The following WASF3 variants were observed in gnomAD, a reference collection of about 807,000 sequenced individuals.
WASF3 encodes the protein WASP family member 3, also known as actin-binding protein WASF3.
A neutral mutation model predicts 46.6 loss-of-function variants in WASF3; 11 were observed. The observed-to-expected ratio is 0.24, with a 90% CI of 0.15 to 0.39. The LOEUF is 0.39. Among genes scored for constraint, WASF3 ranks in the 10% least tolerant of loss-of-function variants. The probability of loss-of-function intolerance (pLI) is 1.00; values close to 1 mark genes in which losing one functional copy is unlikely to be tolerated. For synonymous variants in WASF3, 242 were observed against 259.7 expected, an observed-to-expected ratio of 0.93 and a Z score of 0.65; for missense variants, 576 against 669.8, an observed-to-expected ratio of 0.86 and a Z score of 1.55.
chr13:26,585,999 G>A (rs1383117726), intron 1 of WASF3, among the ~76,000 whole-genome samples: 2 of 152,160 alleles, frequency 1.3e-5, no homozygotes, highest in African/African-American at 2.4e-5. Context: ...TTCCTTTCCA[G>A]TGATTTGGGA....
At chr13:26,572,981 A>T (rs1424381921) in intron 1 of WASF3, among the ~76,000 whole-genome samples, 1 of 152,254 alleles carries the variant, frequency 6.6e-6, no homozygotes, top group Admixed American at 6.5e-5. Flanking sequence ...TTCAGTTATT[A>T]ATATTACACT....
intron 1 of WASF3, among the ~76,000 whole-genome samples, chr13:26,600,007 A>G (rs1880598601): frequency 6.6e-6 from 1 of 152,174 alleles, no homozygotes; most frequent in African/African-American, 2.4e-5. Context: ...TGCTTTGTTA[A>G]TTGGAGGTTA....
intron 1 of WASF3, among the ~76,000 whole-genome samples, chr13:26,562,398 G>T (rs999925369): frequency 1.3e-5 from 2 of 152,144 alleles, no homozygotes; most frequent in Non-Finnish European, 2.9e-5. Flanking sequence ...GGGATGGGAG[G>T]GGGAGGCCAG....
At chr13:26,675,613 T>G (rs1004601374) in intron 6 of WASF3, among the ~76,000 whole-genome samples, 1 of 140,018 alleles carries the variant, frequency 7.1e-6, no homozygotes, top group African/African-American at 2.7e-5. Context: ...TTGTGTCCTC[T>G]TGTGGACTGC....
intron 5 of WASF3, among the ~76,000 whole-genome samples, chr13:26,668,519 G>A (rs574768817): frequency 1.6e-4 from 25 of 152,296 alleles, no homozygotes; most frequent in Non-Finnish European, 2.6e-4. Flanking sequence ...CCAGGAGCCT[G>A]CGAGTTCTCC....
intron 2 of WASF3, among the ~76,000 whole-genome samples, chr13:26,630,445 G>T (rs146736827): frequency 2.0e-5 from 3 of 152,068 alleles, no homozygotes; most frequent in Admixed American, 6.6e-5. Context: ...TTGCTGAGAA[G>T]GATGGTTTCT....
At chr13:26,570,043 T>A (rs1879586730) in intron 1 of WASF3, among the ~76,000 whole-genome samples, 1 of 152,170 alleles carries the variant, frequency 6.6e-6, no homozygotes, top group Non-Finnish European at 1.5e-5. Context: ...CCCAGCACTT[T>A]GGGAGGCCAA....
At chr13:26,588,808 T>G (rs932212188) in intron 1 of WASF3, among the ~76,000 whole-genome samples, 1 of 152,140 alleles carries the variant, frequency 6.6e-6, no homozygotes, top group Non-Finnish European at 1.5e-5. Flanking sequence ...TATAATTTAT[T>G]TATTTTTTTA....
At position 26,613,073 on chromosome 13, in the gene WASF3, CT is replaced by C. The variant is rs1464112443; in HGVS notation, c.-11+19del. ...ACGATTACATGGTAAGAGTGTGTGC[CT>C]TTTACCCTTAAAGCCATTTAATTTC... On this transcript the variant is annotated intron_variant, in intron 2 of 9. Transcript: ENST00000335327. The C allele has an allele frequency of 6.6e-6, 1 of 151,708 alleles. No homozygotes were observed. The highest frequency in any genetic ancestry group is 2.4e-5 in the African/African-American group (1 of 41,280). 9.4% of individuals were successfully genotyped at this position (151,708 alleles called of 1,614,324 possible). A position where few individuals can be genotyped will look rare whatever the true frequency, so the allele number is the denominator to read the frequency against.
chr13:26,628,807 C>A (rs551571486), intron 2 of WASF3, among the ~76,000 whole-genome samples: 1 of 152,320 alleles, frequency 6.6e-6, no homozygotes, highest in Admixed American at 6.5e-5. Context: ...ACAAAGTTCC[C>A]CTGGGCTGTT....
At chr13:26,676,150 G>A (rs1015152727) in intron 6 of WASF3, among the ~76,000 whole-genome samples, 2 of 152,298 alleles carry the variant, frequency 1.3e-5, no homozygotes, top group South Asian at 2.1e-4. Context: ...ATAATTGTAC[G>A]TTAAGAAGTC....
chr13:26,657,843 T>C (rs544734177), intron 3 of WASF3, among the ~76,000 whole-genome samples: 85 of 152,360 alleles, frequency 5.6e-4, no homozygotes, highest in African/African-American at 1.9e-3. Context: ...TCAGAAAATA[T>C]AGCTCTTTCC....
chr13:26,563,805 A>T (rs192921292), intron 1 of WASF3, among the ~76,000 whole-genome samples: 8,959 of 143,520 alleles, frequency 0.062, 315 homozygotes, highest in South Asian at 0.21. Context: ...TTTTTTTTTT[A>T]AATTTTAAAA....
Position 26,679,346 on chromosome 13 carries a change from C to T in WASF3, c.717-1708C>T, listed in dbSNP as rs891328109. 9.2e-5 allele frequency among the ~76,000 whole-genome samples: 14 copies of T among 152,314 alleles called. No homozygotes were observed. Among genetic ancestry groups the T allele is most frequent in the African/African-American group, 3.4e-4 (14 of 41,558 alleles). Reference sequence around the variant, plus strand: ...CCCCTCTTCCCCCAGCCCCCGTCCTCCTGATGGGCACCCTTCATCAGGGTT... The same window carrying T: ...CCCCTCTTCCCCCAGCCCCCGTCCTTCTGATGGGCACCCTTCATCAGGGTT... On this transcript the variant is annotated intron_variant, in intron 7 of 9. Coordinates refer to ENST00000335327, the MANE Select transcript of WASF3 (RefSeq NM_006646.6). The surrounding 1 kb of genome is among the most constrained non-coding windows in gnomAD (Gnocchi z 4.8).
intron 1 of WASF3, among the ~76,000 whole-genome samples, chr13:26,558,181 G>A (rs927570423): frequency 2.9e-4 from 44 of 151,802 alleles, no homozygotes; most frequent in African/African-American, 8.7e-4. Context: ...TGGCGCCCGG[G>A]CCTCCGCTCG....
chr13:26,581,134 G>C (rs546234236), intron 1 of WASF3, among the ~76,000 whole-genome samples: 1 of 152,130 alleles, frequency 6.6e-6, no homozygotes, highest in South Asian at 2.1e-4. Context: ...GTTTTGCCAT[G>C]TTGCCCAGGC....
the WASF3 span, among the ~76,000 whole-genome samples, chr13:26,540,149 G>C: frequency 6.6e-6 from 1 of 152,188 alleles, no homozygotes; most frequent in East Asian, 1.9e-4. Context: ...TAGAAGGACT[G>C]ACCATCAAAC....
Position 26,686,080 on chromosome 13 carries a change from A to G in WASF3, c.*235A>G, listed in dbSNP as rs1883396119. 7.9e-6 allele frequency: 4 copies of G among 504,668 alleles called. No homozygotes were observed. The highest frequency in any genetic ancestry group is 1.4e-5 in the Non-Finnish European group (4 of 287,918). The allele number at this position is 504,668 out of a possible 1,614,324, so 31.3% of individuals were successfully genotyped here. Reference sequence around the variant, plus strand: ...TGAGGAAATAGGCTGTCACTATCACATTGTCCTGAAAACAGCATCTGCTTT... The same window carrying G: ...TGAGGAAATAGGCTGTCACTATCACGTTGTCCTGAAAACAGCATCTGCTTT... On this transcript the variant is annotated 3_prime_UTR_variant, in exon 10 of 10. Transcript: ENST00000335327.
chr13:26,552,158 A>G, the WASF3 span, among the ~76,000 whole-genome samples: 1 of 152,208 alleles, frequency 6.6e-6, no homozygotes, highest in Non-Finnish European at 1.5e-5. Context: ...CTGTGAAAAT[A>G]TCAGTGAGTC....
Sources: gnomAD v4.1 joint callset for allele counts (sites outside exome capture counted in the v4.1 genomes callset) on GRCh38, gnomAD v4.1.1 for gene constraint, Gnocchi (gnomAD v3.1) non-coding constraint, MANE v1.5 for transcripts, NCBI Gene and HGNC (gene_info 2026-07-23, HGNC 2026-07-21) for gene names.